The following BMP3 variants were observed in gnomAD, a reference collection of about 807,000 sequenced individuals.
BMP3 encodes the protein bone morphogenetic protein 3.
BMP3 carries 23 observed loss-of-function variants against 38.1 expected under a neutral mutation model. That is an observed-to-expected ratio of 0.60 (90% CI 0.43 to 0.86). The LOEUF (loss-of-function observed/expected upper bound fraction) is 0.86, where lower values mean the gene tolerates loss of function less well. BMP3 is among the 40% of genes least tolerant of loss of function. The probability of loss-of-function intolerance (pLI) is 0.00; values close to 1 mark genes in which losing one functional copy is unlikely to be tolerated. For missense variants in BMP3, 628 were observed against 579.6 expected (o/e 1.08, Z -0.86); for synonymous variants, 258 against 225.7 (o/e 1.14, Z -1.28).
intron 2 of BMP3, among the ~76,000 whole-genome samples, chr4:81,049,524 T>C (rs929377282): frequency 6.6e-6 from 1 of 152,142 alleles, no homozygotes; most frequent in African/African-American, 2.4e-5. Context: ...GCTTCAGATT[T>C]CCTTTTGCCA....
chr4:81,040,266 T>C (rs1045755312), intron 1 of BMP3, among the ~76,000 whole-genome samples: 8 of 152,178 alleles, frequency 5.3e-5, no homozygotes, highest in African/African-American at 1.9e-4. Flanking sequence ...CATTTTGGCA[T>C]CAAAATATTT....
chr4:81,045,634 T>G, intron 1 of BMP3, 104 bp from the exon 2 acceptor site: 7 of 1,004,084 alleles, frequency 7.0e-6, no homozygotes, highest in Non-Finnish European at 9.7e-6. Flanking sequence ...TTTCATGGAT[T>G]TAGTTCTTAT....
chr4:81,042,577 G>A (rs1454722893), intron 1 of BMP3, among the ~76,000 whole-genome samples: 2 of 152,284 alleles, frequency 1.3e-5, no homozygotes, highest in Admixed American at 6.5e-5. Flanking sequence ...TTTACAAAAC[G>A]ATGTTGTAGA....
chr4:81,055,689 C>A lies in BMP3; in HGVS notation c.*2153C>A, dbSNP rs942101507. On this transcript the variant is annotated 3_prime_UTR_variant, in exon 3 of 3. Transcript: ENST00000282701. Reference sequence around the variant, plus strand: ...CTTCTGGCAATTCCCAGTATCACTTCTTAGCCTTCTTATATCCAAATGCCT... The same window carrying A: ...CTTCTGGCAATTCCCAGTATCACTTATTAGCCTTCTTATATCCAAATGCCT... 2 of 152,128 alleles carry A rather than the reference C, an allele frequency of 1.3e-5. No individual in the cohort carries two copies. The highest frequency in any genetic ancestry group is 2.9e-5 in the Non-Finnish European group (2 of 68,014). 9.4% of individuals were successfully genotyped at this position (152,128 alleles called of 1,614,324 possible).
In BMP3 at chr4:81,043,263, C is replaced by T. The variant is rs538008926; in HGVS notation, c.317-2475C>T. On this transcript the variant is annotated intron_variant, in intron 1 of 2. Coordinates refer to ENST00000282701, the MANE Select transcript of BMP3 (RefSeq NM_001201.5). ...ATGGGAGATTCCAGAGTTCTAACCT[C>T]AGTCCTGTGGATCTCGGTTTATGAG... is the stretch of plus-strand genomic sequence containing the variant. Among the ~76,000 whole-genome samples the T allele has an allele frequency of 3.9e-5, 6 of 152,292 alleles. No homozygotes were observed. The South Asian group carries it at 1.2e-3, about 32-fold the overall frequency.
intron 1 of BMP3, 54 bp downstream of exon 1, chr4:81,031,654 G>C: frequency 4.0e-6 from 6 of 1,485,914 alleles, no homozygotes; most frequent in Non-Finnish European, 3.6e-6. Flanking sequence ...GCTTTCTCCC[G>C]GGACCCCCCA....
Position 81,056,246 on chromosome 4 carries a change from C to T in BMP3, c.*2710C>T, listed in dbSNP as rs377624145. ...TCCATTTGCTAAATCATGCATAATA[C>T]TCTCTCTCTCTCTTCCCCCACAAGT... is the stretch of plus-strand genomic sequence containing the variant. On this transcript the variant is annotated 3_prime_UTR_variant, in exon 3 of 3. Coordinates refer to ENST00000282701, the MANE Select transcript of BMP3 (RefSeq NM_001201.5). 3 of 150,546 alleles carry T rather than the reference C, an allele frequency of 2.0e-5. No individual in the cohort carries two copies. The highest frequency in any genetic ancestry group is 6.6e-5 in the Admixed American group (1 of 15,086). The allele number at this position is 150,546 out of a possible 1,614,324, so 9.3% of individuals were successfully genotyped here. A position where few individuals can be genotyped will look rare whatever the true frequency, so the allele number is the denominator to read the frequency against.
At chr4:81,046,855 T>C (rs760544113) in intron 2 of BMP3, among the ~76,000 whole-genome samples, 7 of 152,224 alleles carry the variant, frequency 4.6e-5, no homozygotes, top group Non-Finnish European at 1.0e-4. Flanking sequence ...TAAAGTCATA[T>C]GAAGTCAGTA....
At chr4:81,047,529 A>G (rs1371964313) in intron 2 of BMP3, among the ~76,000 whole-genome samples, 2 of 121,456 alleles carry the variant, frequency 1.6e-5, no homozygotes, top group African/African-American at 5.8e-5. Context: ...AGCTTGTAGC[A>G]GTTTATATCT....
At position 81,051,018 on chromosome 4, in the gene BMP3, GA is replaced by G. The variant is rs111228449; in HGVS notation, c.1228-2317del. Among the ~76,000 whole-genome samples the G allele has an allele frequency of 8.7e-3, 1,292 of 149,164 alleles. 11 individuals are homozygous for G. The highest frequency in any genetic ancestry group is 0.023 in the African/African-American group (956 of 40,766). On this transcript the variant is annotated intron_variant, in intron 2 of 2. Transcript: ENST00000282701. The stretch of plus-strand genomic sequence containing the variant: ...GGTTGATCAGAGGATTTCATAGTGA[GA>G]AAAAAAAAAGCAGGGGAAACTTCCT...
In BMP3 at chr4:81,057,266, T is replaced by C. The variant is rs1352207571; in HGVS notation, c.*3730T>C. On this transcript the variant is annotated 3_prime_UTR_variant, in exon 3 of 3. Transcript: ENST00000282701. ...AAGGTTCAAAGATGCTTTTAATTTATTTAATGACTATTGCCTTCCTATAAT... is the reference window on the plus strand; with the variant it reads ...AAGGTTCAAAGATGCTTTTAATTTACTTAATGACTATTGCCTTCCTATAAT... 1.3e-5 allele frequency: 2 copies of C among 151,836 alleles called. No homozygotes were observed. Among genetic ancestry groups the C allele is most frequent in the African/African-American group, 4.8e-5 (2 of 41,388 alleles). 9.4% of individuals were successfully genotyped at this position (151,836 alleles called of 1,614,324 possible).
intron 2 of BMP3, among the ~76,000 whole-genome samples, chr4:81,051,757 G>A (rs1740403980): frequency 6.6e-6 from 1 of 152,210 alleles, no homozygotes; most frequent in East Asian, 1.9e-4. Flanking sequence ...CTCTCCTCAA[G>A]GGAGGAATAA....
chr4:81,040,920 A>G (rs186251469), intron 1 of BMP3, among the ~76,000 whole-genome samples: 3 of 152,300 alleles, frequency 2.0e-5, no homozygotes, highest in East Asian at 3.9e-4. Context: ...AGTACACTTC[A>G]GGTTTTTGAT....
chr4:81,043,682 G>T (rs142706671), intron 1 of BMP3, among the ~76,000 whole-genome samples: 12,791 of 148,124 alleles, frequency 0.086, 604 homozygotes, highest in Middle Eastern at 0.14. Context: ...CCACCTCCCA[G>T]ACTCAAGCGA....
intron 2 of BMP3, among the ~76,000 whole-genome samples, chr4:81,052,789 C>A (rs1208197507): frequency 1.3e-5 from 2 of 152,160 alleles, no homozygotes; most frequent in African/African-American, 2.4e-5. Flanking sequence ...CAATACCCCT[C>A]TGACCTGCTT....
chr4:81,049,156 C>T (rs1323922224), intron 2 of BMP3, among the ~76,000 whole-genome samples: 1 of 151,954 alleles, frequency 6.6e-6, no homozygotes, highest in Non-Finnish European at 1.5e-5. Context: ...CAATAAATAC[C>T]TGTTATTGGC....
At chr4:81,049,667 G>A (rs959850440) in intron 2 of BMP3, among the ~76,000 whole-genome samples, 4 of 152,058 alleles carry the variant, frequency 2.6e-5, no homozygotes, top group Non-Finnish European at 4.4e-5. Flanking sequence ...CAAGTGGTAC[G>A]GTGACCAAAA....
chr4:81,031,706 G>A, intron 1 of BMP3, 106 bp downstream of exon 1: 1 of 1,344,530 alleles, frequency 7.4e-7, no homozygotes, highest in Non-Finnish European at 9.9e-7. Context: ...GCTGCCTAGG[G>A]ACCTTTCTCC....
intron 1 of BMP3, among the ~76,000 whole-genome samples, chr4:81,045,010 G>T (rs2109908236): frequency 6.6e-6 from 1 of 152,292 alleles, no homozygotes; most frequent in Non-Finnish European, 1.5e-5. Flanking sequence ...ATAATTCTAT[G>T]TTTAACTTTT....
Sources: allele counts gnomAD v4.1 joint callset (sites outside exome capture counted in the v4.1 genomes callset), GRCh38; gene constraint gnomAD v4.1.1; transcripts MANE v1.5; gene names NCBI Gene and HGNC (gene_info 2026-07-23, HGNC 2026-07-21).